The following TBCK variants were observed in gnomAD, a reference collection of about 807,000 sequenced individuals.
The protein encoded by TBCK is TBC1 domain containing kinase, also known as TBC domain-containing protein kinase-like protein.
In TBCK, 99 loss-of-function variants were observed where a neutral mutation model predicts 113.4. That is an observed-to-expected ratio of 0.87 (90% CI 0.74 to 1.03). The LOEUF (loss-of-function observed/expected upper bound fraction) is 1.03. Among genes scored for constraint, TBCK ranks in the 50% least tolerant of loss-of-function variants. The pLI, the probability that TBCK is intolerant of heterozygous loss-of-function variation, is 0.00. For missense variants in TBCK, 1,045 were observed against 1,061.3 expected (o/e 0.98, Z 0.21); for synonymous variants, 369 against 370.8 (o/e 1.00, Z 0.05).
chr4:106,302,916 CA>C (rs1448463809), intron 2 of TBCK, among the ~76,000 whole-genome samples: 1 of 152,204 alleles, frequency 6.6e-6, no homozygotes, highest in East Asian at 1.9e-4. Flanking sequence ...AAATCTTTGG[CA>C]AAAAATTATT....
intron 1 of TBCK, among the ~76,000 whole-genome samples, chr4:106,311,045 A>G (rs923809407): frequency 4.6e-5 from 7 of 152,190 alleles, no homozygotes; most frequent in Admixed American, 3.9e-4. Flanking sequence ...ATTTTTATCT[A>G]CTGGACAGTC....
chr4:106,074,085 C>T (rs1177752112), intron 25 of TBCK, among the ~76,000 whole-genome samples: 1 of 152,208 alleles, frequency 6.6e-6, no homozygotes, highest in African/African-American at 2.4e-5. Context: ...GAGGCAATGC[C>T]CTGCCCTGCT....
chr4:106,080,804 A>G (rs576046685), intron 25 of TBCK, among the ~76,000 whole-genome samples: 2 of 152,182 alleles, frequency 1.3e-5, no homozygotes, highest in South Asian at 4.2e-4. Flanking sequence ...CAGAGACTAT[A>G]AGGAACTTAA....
intron 10 of TBCK, among the ~76,000 whole-genome samples, chr4:106,246,342 A>G (rs139385172): frequency 1.3e-5 from 2 of 152,288 alleles, no homozygotes; most frequent in East Asian, 3.9e-4. Flanking sequence ...CTATGACTTA[A>G]GTCATAACAA....
chr4:106,111,273 G>T (rs1207290699), intron 24 of TBCK, among the ~76,000 whole-genome samples: 10 of 152,140 alleles, frequency 6.6e-5, no homozygotes, highest in Admixed American at 5.2e-4. Flanking sequence ...CCAAAAGTCT[G>T]GTAAATGGAG....
intron 25 of TBCK, among the ~76,000 whole-genome samples, chr4:106,094,562 G>A (rs969954641): frequency 1.3e-5 from 2 of 152,102 alleles, no homozygotes; most frequent in African/African-American, 4.8e-5. Context: ...CACATTTCAG[G>A]AGTGCTCAAA....
intron 3 of TBCK, among the ~76,000 whole-genome samples, chr4:106,288,700 G>C (rs902303663): frequency 6.6e-6 from 1 of 152,090 alleles, no homozygotes; most frequent in African/African-American, 2.4e-5. Flanking sequence ...ACATGTTGTG[G>C]GTACCAGTAG....
At chr4:106,256,442 G>A (rs1378714686) in intron 5 of TBCK, among the ~76,000 whole-genome samples, 1 of 152,162 alleles carries the variant, frequency 6.6e-6, no homozygotes, top group Non-Finnish European at 1.5e-5. Context: ...GTGCTGCCTC[G>A]AGTGTGCACA....
chr4:106,227,748 A>C (rs1358718106), intron 19 of TBCK, among the ~76,000 whole-genome samples: 1 of 152,062 alleles, frequency 6.6e-6, no homozygotes, highest in Non-Finnish European at 1.5e-5. Flanking sequence ...AGTAAATGGG[A>C]GAGTGAGCAG....
chr4:106,287,272 C>T (rs35010939), intron 3 of TBCK, among the ~76,000 whole-genome samples: 1 of 151,570 alleles, frequency 6.6e-6, no homozygotes, highest in South Asian at 2.1e-4. Context: ...ATAATCCTTT[C>T]TTTTTTCTAC....
At chr4:106,094,702 T>G (rs141143041) in intron 25 of TBCK, among the ~76,000 whole-genome samples, 2 of 152,288 alleles carry the variant, frequency 1.3e-5, no homozygotes, top group African/African-American at 4.8e-5. Context: ...GTTGAAGGAT[T>G]TATTTGATTG....
chr4:106,273,835 A>G (rs1329774259), intron 3 of TBCK, among the ~76,000 whole-genome samples: 1 of 152,264 alleles, frequency 6.6e-6, no homozygotes, highest in Admixed American at 6.5e-5. Flanking sequence ...TCTGGCCTCC[A>G]GAGCTGAGAG....
intron 22 of TBCK, among the ~76,000 whole-genome samples, chr4:106,190,412 T>C (rs1753530694): frequency 6.6e-6 from 1 of 152,244 alleles, no homozygotes; most frequent in African/African-American, 2.4e-5. Context: ...TGTCCACTCA[T>C]CTGATGGTGA....
chr4:106,232,976 G>A lies in TBCK; in HGVS notation c.1601C>T (p.Ala534Val), dbSNP rs1269504762. Residue 534 changes from alanine (A) to valine (V), a missense_variant, in exon 17 of 26, where the codon GCC (alanine) becomes GTC (valine). Physicochemically the swap from Ala to Val is moderately conservative, Grantham distance 64. Transcript: ENST00000394708. The stretch of plus-strand genomic sequence containing the variant: ...AAGATCAGGATGAGACACTACCCAG[G>A]CTTTTAATACACGCCTAAATTTTGC... ...GHAKFRRVLKAWVVSHPDLVY... is the reference protein window; with the variant it reads ...GHAKFRRVLKVWVVSHPDLVY... The A allele has an allele frequency of 3.1e-6, 5 of 1,612,310 alleles. No homozygotes were observed. The Admixed American group carries it at 8.4e-5, about 27-fold the overall frequency.
chr4:106,105,722 T>C (rs73836982), intron 24 of TBCK, among the ~76,000 whole-genome samples: 2,076 of 152,192 alleles, frequency 0.014, 54 homozygotes, highest in African/African-American at 0.047. Flanking sequence ...CAAATACTCA[T>C]CCCAGTGAAA....
intron 2 of TBCK, among the ~76,000 whole-genome samples, chr4:106,308,373 C>T (rs142583121): frequency 2.0e-4 from 30 of 152,198 alleles, no homozygotes; most frequent in African/African-American, 6.3e-4. Flanking sequence ...GGGAATGGAG[C>T]ATAGCATAAT....
At chr4:106,084,418 C>A (rs1472668744) in intron 25 of TBCK, among the ~76,000 whole-genome samples, 2 of 152,068 alleles carry the variant, frequency 1.3e-5, no homozygotes, top group East Asian at 3.9e-4. Context: ...AACAAAACCT[C>A]CAAGAAATAT....
chr4:106,143,505 T>C (rs1246549595), intron 23 of TBCK, among the ~76,000 whole-genome samples: 1 of 152,158 alleles, frequency 6.6e-6, no homozygotes, highest in Non-Finnish European at 1.5e-5. Context: ...TAGTGGCAAA[T>C]TACCATGTAA....
At chr4:106,177,204 G>A (rs890683433) in intron 22 of TBCK, among the ~76,000 whole-genome samples, 2 of 151,562 alleles carry the variant, frequency 1.3e-5, no homozygotes, top group Admixed American at 6.6e-5. Context: ...TTGTTTTTTG[G>A]CTATTCATTT....
Sources: gnomAD v4.1 joint callset for allele counts (sites outside exome capture counted in the v4.1 genomes callset) on GRCh38, gnomAD v4.1.1 for gene constraint, MANE v1.5 for transcripts, NCBI Gene and HGNC (gene_info 2026-07-23, HGNC 2026-07-21) for gene names.